Variants in PCDH9 observed in about 807,000 individuals in gnomAD.
PCDH9 encodes the protein protocadherin-9.
In PCDH9, 24 loss-of-function variants were observed where a neutral mutation model predicts 70.6. The ratio of observed to expected loss-of-function variants is 0.34; its 90% CI spans 0.25 to 0.48. PCDH9 has a LOEUF of 0.48. Ranked by LOEUF, PCDH9 falls within the 20% of genes least tolerant of loss-of-function variation. The pLI, the probability that PCDH9 is intolerant of heterozygous loss-of-function variation, is 0.99. For synonymous variants in PCDH9, 562 were observed against 558.5 expected (o/e 1.01, Z -0.09); for missense variants, 1,281 against 1,503.6 (o/e 0.85, Z 2.45).
intron 3 of PCDH9, among the ~76,000 whole-genome samples, chr13:66,837,030 A>G (rs920589101): frequency 2.0e-5 from 3 of 152,182 alleles, no homozygotes; most frequent in South Asian, 2.1e-4. Flanking sequence ...CAGCATCCAC[A>G]TAAGAGACCA....
chr13:66,900,186 C>T (rs953360827), intron 3 of PCDH9, among the ~76,000 whole-genome samples: 12 of 151,834 alleles, frequency 7.9e-5, no homozygotes, highest in Non-Finnish European at 1.6e-4. Context: ...GTTTCTGAAG[C>T]CATGTGGCTG....
At chr13:66,360,205 A>G (rs1205624516) in intron 4 of PCDH9, among the ~76,000 whole-genome samples, 1 of 152,084 alleles carries the variant, frequency 6.6e-6, no homozygotes, top group Non-Finnish European at 1.5e-5. Flanking sequence ...TATTAGTGTG[A>G]TCATTGAAAA....
chr13:66,304,640 C>T lies in PCDH9; in HGVS notation c.*15G>A. 1.2e-6 allele frequency: 2 copies of T among 1,603,688 alleles called. No homozygotes were observed. Among genetic ancestry groups the T allele is most frequent in the Non-Finnish European group, 1.7e-6 (2 of 1,171,782 alleles). ...CATGTCTATTTAAAGTTATTAGGTC[C>T]CATATAGCCTTTTCTTAGAGTTGGT... On this transcript the variant is annotated 3_prime_UTR_variant, in exon 5 of 5. Coordinates refer to ENST00000377865, the MANE Select transcript of PCDH9 (RefSeq NM_203487.3).
intron 4 of PCDH9, among the ~76,000 whole-genome samples, chr13:66,450,545 T>C (rs1345298261): frequency 6.6e-6 from 1 of 152,018 alleles, no homozygotes; most frequent in African/African-American, 2.4e-5. Flanking sequence ...TGGAGAGCAG[T>C]GGGGAGGAAA....
rs111256147 is a variant in PCDH9, at chr13:66,730,757, C to T, written c.3139-99346G>A. Among the ~76,000 whole-genome samples the T allele has an allele frequency of 7.6e-3, 1,139 of 150,748 alleles. 17 individuals are homozygous for T. The highest frequency in any genetic ancestry group is 0.026 in the African/African-American group (1,077 of 40,960). ...GCAGTGGCACAATTATAGCTCACTGCGTCCTTGACATTGCAGGCTCAAGTG... is the reference window on the plus strand; with the variant it reads ...GCAGTGGCACAATTATAGCTCACTGTGTCCTTGACATTGCAGGCTCAAGTG... On this transcript the variant is annotated intron_variant, in intron 3 of 4. Transcript: ENST00000377865.
At chr13:67,164,508 A>T (rs1376012864) in intron 2 of PCDH9, among the ~76,000 whole-genome samples, 1 of 151,190 alleles carries the variant, frequency 6.6e-6, no homozygotes, top group Non-Finnish European at 1.5e-5. Context: ...AGGGAGGCAG[A>T]GGTCGCAGTG....
chr13:66,397,710 ATGT>A (rs1187174747), intron 4 of PCDH9, among the ~76,000 whole-genome samples: 1 of 151,408 alleles, frequency 6.6e-6, no homozygotes, highest in Non-Finnish European at 1.5e-5. Context: ...CATATGTTCC[ATGT>A]TATCATTGGT....
chr13:66,535,108 T>G (rs1960640431), intron 4 of PCDH9, among the ~76,000 whole-genome samples: 1 of 151,976 alleles, frequency 6.6e-6, no homozygotes, highest in Admixed American at 6.6e-5. Flanking sequence ...ACCACTAAAA[T>G]TTTGACATTC....
At chr13:67,106,203 T>C (rs1036745947) in intron 2 of PCDH9, among the ~76,000 whole-genome samples, 1 of 152,184 alleles carries the variant, frequency 6.6e-6, no homozygotes, top group Non-Finnish European at 1.5e-5. Context: ...TTAAATTGGA[T>C]AACTTTAAAA....
At chr13:66,336,931 A>G (rs569472972) in intron 4 of PCDH9, among the ~76,000 whole-genome samples, 53 of 152,220 alleles carry the variant, frequency 3.5e-4, no homozygotes, top group Admixed American at 6.5e-4. Context: ...TAAAAAACTG[A>G]AGTTAAAAGT....
chr13:66,937,022 A>T (rs1303545802), intron 2 of PCDH9, among the ~76,000 whole-genome samples: 1 of 152,236 alleles, frequency 6.6e-6, no homozygotes, highest in Non-Finnish European at 1.5e-5. Flanking sequence ...TTTCTCAAGC[A>T]ATAAAAAATA....
chr13:67,167,160 G>C (rs9541026), intron 2 of PCDH9, among the ~76,000 whole-genome samples: 98,351 of 151,986 alleles, frequency 0.65, 33,764 homozygotes, highest in Non-Finnish European at 0.77. Context: ...TTAGTGAAAT[G>C]GTTAAGAGCA....
chr13:67,155,218 C>G (rs2087780185), intron 2 of PCDH9, among the ~76,000 whole-genome samples: 2 of 152,184 alleles, frequency 1.3e-5, no homozygotes, highest in African/African-American at 4.8e-5. Flanking sequence ...AAACGGCCAG[C>G]AGGCTCAAGT....
chr13:67,027,366 T>C (rs961584139), intron 2 of PCDH9, among the ~76,000 whole-genome samples: 2 of 152,208 alleles, frequency 1.3e-5, no homozygotes, highest in Non-Finnish European at 2.9e-5. Flanking sequence ...GCTAGCCATA[T>C]GTAGAAAGCT....
At chr13:66,387,014 C>G (rs967837888) in intron 4 of PCDH9, among the ~76,000 whole-genome samples, 1 of 152,072 alleles carries the variant, frequency 6.6e-6, no homozygotes, top group African/African-American at 2.4e-5. Context: ...AAAATCAAGC[C>G]TGTAATTAGT....
At chr13:66,325,104 A>G (rs1955820124) in intron 4 of PCDH9, among the ~76,000 whole-genome samples, 1 of 152,034 alleles carries the variant, frequency 6.6e-6, no homozygotes, top group African/African-American at 2.4e-5. Flanking sequence ...TTCACTAGAA[A>G]TCTGTTACAC....
intron 2 of PCDH9, among the ~76,000 whole-genome samples, chr13:67,050,314 G>GA (rs373507282): frequency 6.6e-6 from 1 of 151,678 alleles, no homozygotes; most frequent in African/African-American, 2.4e-5. Flanking sequence ...GCAGGTAGGG[G>GA]AAAAAAAATG....
intron 3 of PCDH9, among the ~76,000 whole-genome samples, chr13:66,815,949 A>G (rs966829122): frequency 6.6e-6 from 1 of 152,226 alleles, no homozygotes; most frequent in African/African-American, 2.4e-5. Flanking sequence ...CAAATGCACT[A>G]GATCTATAAA....
intron 2 of PCDH9, chr13:67,213,911 G>A (rs2089530428): frequency 6.6e-6 from 1 of 152,088 alleles, no homozygotes; most frequent in Non-Finnish European, 1.5e-5. Flanking sequence ...ATTGAAATTT[G>A]ACTATATCTA....
Sources: gnomAD v4.1 joint callset for allele counts (sites outside exome capture counted in the v4.1 genomes callset) on GRCh38, gnomAD v4.1.1 for gene constraint, MANE v1.5 for transcripts, NCBI Gene and HGNC (gene_info 2026-07-23, HGNC 2026-07-21) for gene names.